Variants in FOSL2 observed in about 807,000 individuals in gnomAD.
FOSL2 encodes the protein fos-related antigen 2.
Under a neutral mutation model 27.7 loss-of-function variants are expected in FOSL2, and 3 were observed. The ratio of observed to expected loss-of-function variants is 0.11; its 90% confidence interval spans 0.05 to 0.28. The LOEUF (loss-of-function observed/expected upper bound fraction) is 0.28, where lower values mean the gene tolerates loss of function less well. Ranked by LOEUF, FOSL2 falls within the 10% of genes least tolerant of loss-of-function variation. FOSL2 has a pLI of 1.00. For missense variants in FOSL2, 333 were observed against 445.1 expected (o/e 0.75, Z 2.27); for synonymous variants, 179 against 190.1 (o/e 0.94, Z 0.48).
At chr2:28,398,971 T>G (rs1216820272) in intron 1 of FOSL2, among the ~76,000 whole-genome samples, 1 of 152,186 alleles carries the variant, frequency 6.6e-6, no homozygotes, top group Non-Finnish European at 1.5e-5. Flanking sequence ...TGAGACAGAT[T>G]GTGCCCTTAT....
Position 28,412,428 on chromosome 2 carries a change from C to G in FOSL2, c.961C>G (p.Pro321Ala). Residue 321 changes from proline to alanine, a missense_variant, in exon 4 of 4, where the codon CCC (proline) becomes GCC (alanine). Physicochemically the swap from Pro to Ala is conservative, Grantham distance 27 (BLOSUM62 -1). Transcript: ENST00000264716. The surrounding 1 kb of genome is among the most constrained non-coding windows in gnomAD (Gnocchi z 7.1). ...GDQSSDSLNS[P>A]TLLAL ...CCAATCATCAGACTCCTTGAACTCC[C>G]CCACTCTGCTGGCTCTGTAACCCAG... 2 of 1,600,768 alleles carry G rather than the reference C, an allele frequency of 1.2e-6. No individual in the cohort carries two copies.
chr2:28,407,975 C>T (rs1431472328), intron 2 of FOSL2, among the ~76,000 whole-genome samples: 1 of 152,208 alleles, frequency 6.6e-6, no homozygotes, highest in Non-Finnish European at 1.5e-5. Context: ...CAGATAAATC[C>T]CAAGCCCGTA....
Position 28,393,136 on chromosome 2 carries a change from C to T in FOSL2, c.-585C>T, listed in dbSNP as rs1362645262. The T allele has an allele frequency of 1.2e-5, 4 of 335,992 alleles. No individual in the cohort carries two copies. The highest frequency in any genetic ancestry group is 1.6e-5 in the Non-Finnish European group (3 of 186,344). 20.8% of individuals were successfully genotyped at this position (335,992 alleles called of 1,614,324 possible). ...CGCGCTCGGGGCCGCGGGACGGGCGCACGCCGCCTTCTCCTAGTCAAGTAT... is the reference window on the plus strand; with the variant it reads ...CGCGCTCGGGGCCGCGGGACGGGCGTACGCCGCCTTCTCCTAGTCAAGTAT... On this transcript the variant is annotated 5_prime_UTR_variant, in exon 1 of 4. Transcript: ENST00000264716. The surrounding 1 kb of genome is among the most constrained non-coding windows in gnomAD (Gnocchi z 4.6).
rs763775249 is a variant in FOSL2, at chr2:28,414,231, A to T, written c.*1783A>T. On this transcript the variant is annotated 3_prime_UTR_variant, in exon 4 of 4. Coordinates refer to ENST00000264716, the MANE Select transcript of FOSL2 (RefSeq NM_005253.4). ...TCACACAGCTGTTCCCTCGCATGTTATTTCATGAACATGACCTGTTTTCGT... is the reference window on the plus strand; with the variant it reads ...TCACACAGCTGTTCCCTCGCATGTTTTTTCATGAACATGACCTGTTTTCGT... 4 of 170,958 alleles carry T rather than the reference A, an allele frequency of 2.3e-5. No individual in the cohort carries two copies. The highest frequency in any genetic ancestry group is 4.9e-5 in the Non-Finnish European group (4 of 80,888). 10.6% of individuals were successfully genotyped at this position (170,958 alleles called of 1,614,324 possible). A position where few individuals can be genotyped will look rare whatever the true frequency, so the allele number is the denominator to read the frequency against.
In FOSL2 at chr2:28,393,835, C is replaced by T. The variant is rs1265647498; in HGVS notation, c.102+13C>T. On this transcript the variant is annotated intron_variant, in intron 1 of 3. Transcript: ENST00000264716. The surrounding 1 kb of genome is among the most constrained non-coding windows in gnomAD (Gnocchi z 4.6). ...CGGCGGCCAGCAGGTAGGTGCGGGC[C>T]CCGGTGCACCTGGCGGCGCGGGCGG... 1.3e-6 allele frequency: 2 copies of T among 1,569,946 alleles called. No homozygotes were observed. Among genetic ancestry groups the T allele is most frequent in the Non-Finnish European group, 1.7e-6 (2 of 1,154,574 alleles).
intron 1 of FOSL2, among the ~76,000 whole-genome samples, chr2:28,396,044 A>G (rs1397452927): frequency 6.6e-6 from 1 of 152,124 alleles, no homozygotes; most frequent in East Asian, 1.9e-4. Context: ...CCTGTACTGG[A>G]AGACTTTCCT....
Position 28,412,032 on chromosome 2 carries a change from C to A in FOSL2, c.565C>A (p.Pro189Thr). 1 of 1,611,782 alleles carries A rather than the reference C, an allele frequency of 6.2e-7. No individual in the cohort carries two copies. Among genetic ancestry groups the A allele is most frequent in the Non-Finnish European group, 8.5e-7 (1 of 1,179,964 alleles). ...GGAGTTCATGTTGGTGGCTCACGGCCCAGTGTGCAAGATTAGCCCCGAGGA... is the reference window on the plus strand; with the variant it reads ...GGAGTTCATGTTGGTGGCTCACGGCACAGTGTGCAAGATTAGCCCCGAGGA... ...KLEFMLVAHG[P>T]VCKISPEERR... Residue 189 changes from proline to threonine, a missense_variant, in exon 4 of 4, where the codon CCA becomes ACA. This residue lies in a region of FOSL2 where 40 missense variants were observed against 104.2 expected (regional missense o/e 0.38). Transcript: ENST00000264716. The surrounding 1 kb of genome is among the most constrained non-coding windows in gnomAD (Gnocchi z 7.1).
At chr2:28,396,447 C>T (rs937998599) in intron 1 of FOSL2, among the ~76,000 whole-genome samples, 1 of 149,960 alleles carries the variant, frequency 6.7e-6, no homozygotes, top group African/African-American at 2.4e-5. Context: ...CACACCTCCC[C>T]TTCTTGGATT....
At position 28,415,209 on chromosome 2, in the gene FOSL2, G is replaced by A. The variant is rs1047457884; in HGVS notation, c.*2761G>A. 6.6e-6 allele frequency: 1 copy of A among 152,358 alleles called. No individual in the cohort carries two copies. Among genetic ancestry groups the A allele is most frequent in the Non-Finnish European group, 1.5e-5 (1 of 68,154 alleles). 9.4% of individuals were successfully genotyped at this position (152,358 alleles called of 1,614,324 possible). On this transcript the variant is annotated 3_prime_UTR_variant, in exon 4 of 4. Transcript: ENST00000264716. Reference sequence around the variant, plus strand: ...CTGCAGGCAGCTCTGGGACGGCACAGGGCGGGCGCTCTGATCAGCTCGTGT... The same window carrying A: ...CTGCAGGCAGCTCTGGGACGGCACAAGGCGGGCGCTCTGATCAGCTCGTGT...
intron 1 of FOSL2, among the ~76,000 whole-genome samples, chr2:28,402,666 G>C (rs945320201): frequency 6.6e-6 from 1 of 152,188 alleles, no homozygotes; most frequent in Non-Finnish European, 1.5e-5. Context: ...GAGGTCTATA[G>C]GGGATGACCT....
intron 1 of FOSL2, among the ~76,000 whole-genome samples, chr2:28,398,974 G>A (rs1016629590): frequency 5.9e-5 from 9 of 152,204 alleles, no homozygotes; most frequent in Non-Finnish European, 1.2e-4. Flanking sequence ...GACAGATTGT[G>A]CCCTTATCCT....
At position 28,412,668 on chromosome 2, in the gene FOSL2, G is replaced by A. The variant is rs1028095656; in HGVS notation, c.*220G>A. On this transcript the variant is annotated 3_prime_UTR_variant, in exon 4 of 4. Coordinates refer to ENST00000264716, the MANE Select transcript of FOSL2 (RefSeq NM_005253.4). This position sits in a 1 kb window ranked among gnomAD's most constrained non-coding sequence, Gnocchi z 7.1. ...TGGGACCTCCTCCCTCATTCATCTT[G>A]CAAGCAAATCCCATTTCTTGAAAAG... The A allele has an allele frequency of 1.1e-5, 6 of 548,556 alleles. No individual in the cohort carries two copies. The highest frequency in any genetic ancestry group is 6.5e-6 in the Non-Finnish European group (2 of 308,724). The allele number at this position is 548,556 out of a possible 1,614,324, so 34.0% of individuals were successfully genotyped here.
rs965357790 is a variant in FOSL2 at position 28,408,372 on chromosome 2, C to T, written c.355-387C>T. On this transcript the variant is annotated intron_variant, in intron 2 of 3. Transcript: ENST00000264716. This position sits in a 1 kb window ranked among gnomAD's most constrained non-coding sequence, Gnocchi z 4.1. ...GAAGCTGCTTAAGTGGGTGGGGCCA[C>T]GCCTGGCTGGCAGGAGGGGACTCTT... Among the ~76,000 whole-genome samples the T allele has an allele frequency of 2.6e-5, 4 of 152,192 alleles. No individual in the cohort carries two copies. The highest frequency in any genetic ancestry group is 7.2e-5 in the African/African-American group (3 of 41,446).
chr2:28,403,683 G>A (rs1215398250), intron 1 of FOSL2, among the ~76,000 whole-genome samples: 1 of 152,184 alleles, frequency 6.6e-6, no homozygotes, highest in East Asian at 1.9e-4. Context: ...GGTGTCCTGA[G>A]CTGGTACCCT....
chr2:28,398,721 C>G (rs1254891930), intron 1 of FOSL2, among the ~76,000 whole-genome samples: 1 of 152,236 alleles, frequency 6.6e-6, no homozygotes, highest in Non-Finnish European at 1.5e-5. Flanking sequence ...TCACCTAAGA[C>G]AGCATTTATA....
intron 2 of FOSL2, among the ~76,000 whole-genome samples, chr2:28,407,025 T>C (rs9309662): frequency 0.49 from 75,201 of 152,080 alleles, 20,246 homozygotes; most frequent in African/African-American, 0.71. Flanking sequence ...CTTCCTATGT[T>C]GACAGCTCCC....
At chr2:28,394,460 C>G (rs1398425262) in intron 1 of FOSL2, 2 of 153,128 alleles carry the variant, frequency 1.3e-5, no homozygotes, top group African/African-American at 4.8e-5. Flanking sequence ...TGCCTGCCCC[C>G]CCGCCGACCC....
rs1213297340 is a variant in FOSL2 at position 28,416,845 on chromosome 2, A to G, written c.*4397A>G. On this transcript the variant is annotated 3_prime_UTR_variant, in exon 4 of 4. Transcript: ENST00000264716. The stretch of plus-strand genomic sequence containing the variant: ...TAAGCTTTGTGCATCTGTATTTGAG[A>G]TATGTTAATGACGTGGAGTAAAGTC... The G allele has an allele frequency of 6.6e-6, 1 of 151,800 alleles. No homozygotes were observed. The highest frequency in any genetic ancestry group is 1.5e-5 in the Non-Finnish European group (1 of 67,988). 9.4% of individuals were successfully genotyped at this position (151,800 alleles called of 1,614,324 possible).
At position 28,393,963 on chromosome 2, in the gene FOSL2, C is replaced by T; in HGVS notation, c.102+141C>T. On this transcript the variant is annotated intron_variant, in intron 1 of 3. Coordinates refer to ENST00000264716, the MANE Select transcript of FOSL2 (RefSeq NM_005253.4). The surrounding 1 kb of genome is among the most constrained non-coding windows in gnomAD (Gnocchi z 4.6). ...CCGTTGTAAGTTCTGGATTTTCGTC[C>T]TCCCCTTCCCCCCCACCCCCTTTTA... 3 of 642,138 alleles carry T rather than the reference C, an allele frequency of 4.7e-6. No homozygotes were observed. Among genetic ancestry groups the T allele is most frequent in the East Asian group, 3.0e-5 (1 of 33,030 alleles). The allele number at this position is 642,138 out of a possible 1,614,324, so 39.8% of individuals were successfully genotyped here. A position where few individuals can be genotyped will look rare whatever the true frequency, so the allele number is the denominator to read the frequency against.
Sources: allele counts gnomAD v4.1 joint callset (sites outside exome capture counted in the v4.1 genomes callset), GRCh38; gene constraint gnomAD v4.1.1; regional missense constraint gnomAD v4.1.1; non-coding constraint Gnocchi (gnomAD v3.1); transcripts MANE v1.5; gene names NCBI Gene and HGNC (gene_info 2026-07-23, HGNC 2026-07-21).